Variants in ZKSCAN5 observed in about 807,000 individuals in gnomAD.
ZKSCAN5 encodes zinc finger protein with KRAB and SCAN domains 5.
In ZKSCAN5, 28 loss-of-function variants were observed where a neutral mutation model predicts 60.0. The observed-to-expected ratio is 0.47, with a 90% CI of 0.35 to 0.64. ZKSCAN5 has a LOEUF of 0.64. Ranked by LOEUF, ZKSCAN5 falls within the 30% of genes least tolerant of loss-of-function variation. The probability of loss-of-function intolerance (pLI) is 0.01; values close to 1 mark genes in which losing one functional copy is unlikely to be tolerated. For synonymous variants in ZKSCAN5, 361 were observed against 371.2 expected (o/e 0.97, Z 0.31); for missense variants, 881 against 1,034.6 (o/e 0.85, Z 2.04).
chr7:99,526,230 C>T lies in ZKSCAN5; in HGVS notation c.1190C>T (p.Thr397Ile). The change falls in exon 6 of 7, where the codon ACA becomes ATA. Residue 397 changes from threonine (T) to isoleucine (I), a missense_variant. Transcript: ENST00000326775. Reference sequence around the variant, plus strand: ...CTCACCCAGCACCAGCGCGTCCACACAGGGGAGAAACCCTACAAATGTCAG... The same window carrying T: ...CTCACCCAGCACCAGCGCGTCCACATAGGGGAGAAACCCTACAAATGTCAG... ...VHLTQHQRVH[T>I]GEKPYKCQVC... is the part of the protein sequence containing the mutation. 6.2e-7 allele frequency: 1 copy of T among 1,614,228 alleles called. No individual in the cohort carries two copies. Among genetic ancestry groups the T allele is most frequent in the Non-Finnish European group, 8.5e-7 (1 of 1,180,044 alleles).
intron 2 of ZKSCAN5, among the ~76,000 whole-genome samples, chr7:99,508,778 A>G (rs1259857466): frequency 6.8e-6 from 1 of 147,180 alleles, no homozygotes; most frequent in East Asian, 2.0e-4. Flanking sequence ...ACAATATTTT[A>G]TTTCTGTGAA....
chr7:99,520,787 G>T (rs989721599), intron 5 of ZKSCAN5, among the ~76,000 whole-genome samples: 7 of 152,226 alleles, frequency 4.6e-5, no homozygotes, highest in Admixed American at 1.3e-4. Context: ...ATCACCTGAG[G>T]TCAGGAGTTC....
intron 3 of ZKSCAN5, among the ~76,000 whole-genome samples, chr7:99,515,359 A>G (rs1381039526): frequency 1.3e-5 from 2 of 151,754 alleles, no homozygotes; most frequent in Admixed American, 6.6e-5. Context: ...GTGAACCGAG[A>G]TTGTGCCACG....
chr7:99,525,902 A>T lies in ZKSCAN5; in HGVS notation c.862A>T (p.Arg288Trp), dbSNP rs139179473. 5.8e-5 allele frequency: 94 copies of T among 1,613,980 alleles called. No homozygotes were observed. Among genetic ancestry groups the T allele is most frequent in the Non-Finnish European group, 7.6e-5 (90 of 1,180,034 alleles). Residue 288 changes from arginine (R) to tryptophan (W), a missense_variant, in exon 6 of 7, where the codon AGG becomes TGG. By Grantham distance (101) the Arg-to-Trp change is moderately radical. This residue lies in a region of ZKSCAN5 where 490 missense variants were observed against 554.5 expected (regional missense o/e 0.88). Transcript: ENST00000326775. ...CTGGGTGGCGCCAGAACACACCGAA[A>T]GGAGCGTTCCTCAGGATCCAGACTT... is the stretch of plus-strand genomic sequence containing the variant. Reference protein sequence around the residue: ...SHWVAPEHTERSVPQDPDFAE... With the variant: ...SHWVAPEHTEWSVPQDPDFAE...
chr7:99,514,124 T>C (rs1263684368), intron 3 of ZKSCAN5, among the ~76,000 whole-genome samples: 2 of 152,184 alleles, frequency 1.3e-5, no homozygotes, highest in African/African-American at 4.8e-5. Flanking sequence ...CCAGAATCTC[T>C]TATTATCTTA....
intron 3 of ZKSCAN5, among the ~76,000 whole-genome samples, chr7:99,514,653 T>A (rs1319622008): frequency 6.6e-6 from 1 of 152,162 alleles, no homozygotes; most frequent in Non-Finnish European, 1.5e-5. Context: ...ATGCCTGTAA[T>A]CCCAGCACTT....
intron 4 of ZKSCAN5, 34 bp from the exon 5 acceptor site, chr7:99,520,135 G>T: frequency 6.2e-7 from 1 of 1,609,318 alleles, no homozygotes; most frequent in Non-Finnish European, 8.5e-7. Context: ...TTGGACATAG[G>T]GAATGAGAAT....
chr7:99,526,595 C>T (rs971967931), intron 6 of ZKSCAN5, among the ~76,000 whole-genome samples, 177 bp downstream of exon 6: 15 of 152,282 alleles, frequency 9.9e-5, no homozygotes, highest in African/African-American at 3.6e-4. Context: ...CGCTCTGTCG[C>T]CCAGGCTGGA....
chr7:99,512,191 T>C (rs796999971), intron 2 of ZKSCAN5, among the ~76,000 whole-genome samples: 32 of 152,342 alleles, frequency 2.1e-4, no homozygotes, highest in African/African-American at 7.7e-4. Context: ...TTCTGTCTCA[T>C]GGAATTAGTT....
intron 3 of ZKSCAN5, among the ~76,000 whole-genome samples, chr7:99,514,701 A>AT (rs1257336336): frequency 2.0e-5 from 3 of 151,554 alleles, no homozygotes; most frequent in Non-Finnish European, 4.4e-5. Flanking sequence ...GAGGTCAGGA[A>AT]TTTGAGACCA....
intron 2 of ZKSCAN5, among the ~76,000 whole-genome samples, chr7:99,507,521 ATGTATATG>A (rs1800806491): frequency 1.3e-4 from 16 of 127,324 alleles, no homozygotes; most frequent in African/African-American, 5.5e-4. Flanking sequence ...GTGTGTATAT[ATGTATATG>A]TGTATATATA....
chr7:99,510,705 A>G (rs1055094367), intron 2 of ZKSCAN5, among the ~76,000 whole-genome samples: 1 of 151,996 alleles, frequency 6.6e-6, no homozygotes, highest in African/African-American at 2.4e-5. Flanking sequence ...CGGCCCCCCA[A>G]AGTACTGGGA....
intron 2 of ZKSCAN5, among the ~76,000 whole-genome samples, chr7:99,511,876 G>A (rs916511404): frequency 1.3e-5 from 2 of 151,596 alleles, no homozygotes; most frequent in African/African-American, 2.4e-5. Flanking sequence ...TGCAAGCTCC[G>A]CCTCCCAGGT....
At chr7:99,507,511 GTGTGTATATATGTATATGTGTA>G (rs1367386843) in intron 2 of ZKSCAN5, among the ~76,000 whole-genome samples, 51 of 137,532 alleles carry the variant, frequency 3.7e-4, no homozygotes, top group South Asian at 1.4e-3. Context: ...GTATATATAT[GTGTGTATATATGTATATGTGTA>G]TATATATATG....
intron 5 of ZKSCAN5, among the ~76,000 whole-genome samples, chr7:99,522,319 G>T (rs1801571167): frequency 6.6e-6 from 1 of 152,280 alleles, no homozygotes; most frequent in Non-Finnish European, 1.5e-5. Flanking sequence ...AGTGGCAGGG[G>T]TGTTGGGGAA....
At chr7:99,512,087 C>T (rs1264863884) in intron 2 of ZKSCAN5, among the ~76,000 whole-genome samples, 1 of 152,162 alleles carries the variant, frequency 6.6e-6, no homozygotes, top group Admixed American at 6.6e-5. Flanking sequence ...CCACCCCGTG[C>T]GCCCAGCCCT....
chr7:99,510,826 C>T (rs573298807), intron 2 of ZKSCAN5, among the ~76,000 whole-genome samples: 14 of 152,138 alleles, frequency 9.2e-5, no homozygotes, highest in African/African-American at 2.7e-4. Flanking sequence ...CTGCACTCTC[C>T]GCCTCCCAGG....
At chr7:99,509,923 C>T (rs897813000) in intron 2 of ZKSCAN5, among the ~76,000 whole-genome samples, 7 of 151,826 alleles carry the variant, frequency 4.6e-5, no homozygotes, top group East Asian at 1.9e-4. Context: ...TGTTTGTGTT[C>T]GCTTGTGGAG....
At chr7:99,513,401 C>G (rs1422141932) in intron 3 of ZKSCAN5, among the ~76,000 whole-genome samples, 1 of 152,070 alleles carries the variant, frequency 6.6e-6, no homozygotes, top group African/African-American at 2.4e-5. Flanking sequence ...GATTGTCTTT[C>G]TTTTATTTTT....
Sources: gnomAD v4.1 joint callset for allele counts (sites outside exome capture counted in the v4.1 genomes callset) on GRCh38, gnomAD v4.1.1 for gene constraint, gnomAD v4.1.1 regional missense constraint, MANE v1.5 for transcripts, NCBI Gene and HGNC (gene_info 2026-07-23, HGNC 2026-07-21) for gene names.